Variants in FNDC3B observed in about 807,000 individuals in gnomAD.
FNDC3B encodes fibronectin type III domain containing 3B.
FNDC3B carries 12 observed loss-of-function variants against 151.5 expected under a neutral mutation model. The ratio of observed to expected loss-of-function variants is 0.08; its 90% CI spans 0.05 to 0.13. FNDC3B has a LOEUF of 0.13. Ranked by LOEUF, FNDC3B falls within the 10% of genes least tolerant of loss-of-function variation. The pLI, the probability that FNDC3B is intolerant of heterozygous loss-of-function variation, is 1.00. For synonymous variants in FNDC3B, 528 were observed against 549.0 expected, an observed-to-expected ratio of 0.96 and a Z score of 0.54; for missense variants, 1,214 against 1,505.3, an observed-to-expected ratio of 0.81 and a Z score of 3.20.
chr3:172,094,416 T>A (rs1039341975), intron 1 of FNDC3B, among the ~76,000 whole-genome samples: 4 of 152,234 alleles, frequency 2.6e-5, no homozygotes, highest in African/African-American at 9.6e-5. Context: ...TGTGGCCTTC[T>A]CTAACTGGCC....
intron 2 of FNDC3B, among the ~76,000 whole-genome samples, chr3:172,116,601 T>C (rs1720259920): frequency 6.6e-6 from 1 of 152,210 alleles, no homozygotes; most frequent in African/African-American, 2.4e-5. Flanking sequence ...AGTCTCGCTC[T>C]GTTGCCCAGG....
intron 1 of FNDC3B, among the ~76,000 whole-genome samples, chr3:172,096,359 T>A (rs1048751395): frequency 1.3e-5 from 2 of 152,250 alleles, no homozygotes; most frequent in Non-Finnish European, 2.9e-5. Flanking sequence ...GTCTTCATAA[T>A]GGATTTAAAT....
intron 3 of FNDC3B, among the ~76,000 whole-genome samples, chr3:172,197,955 T>A (rs1724923169): frequency 6.6e-6 from 1 of 152,234 alleles, no homozygotes; most frequent in Admixed American, 6.5e-5. Flanking sequence ...TAGTTCAAAG[T>A]GATATAAATA....
At chr3:172,052,593 G>A (rs998754607) in intron 1 of FNDC3B, among the ~76,000 whole-genome samples, 2 of 152,180 alleles carry the variant, frequency 1.3e-5, no homozygotes, top group African/African-American at 4.8e-5. Context: ...TTTGCAGGGG[G>A]AGTTAAAGAC....
At chr3:172,291,911 C>A (rs1334261383) in intron 7 of FNDC3B, among the ~76,000 whole-genome samples, 2 of 152,116 alleles carry the variant, frequency 1.3e-5, no homozygotes, top group Admixed American at 1.3e-4. Context: ...GCTCTGAAAT[C>A]GGCATGAACC....
chr3:172,045,488 C>T (rs913701665), intron 1 of FNDC3B, among the ~76,000 whole-genome samples: 1 of 152,102 alleles, frequency 6.6e-6, no homozygotes, highest in African/African-American at 2.4e-5. Flanking sequence ...AGGTTTTAGG[C>T]CTTGTATGTT....
intron 4 of FNDC3B, among the ~76,000 whole-genome samples, chr3:172,233,579 T>G (rs1281719942): frequency 6.6e-6 from 1 of 152,222 alleles, no homozygotes; most frequent in Non-Finnish European, 1.5e-5. Flanking sequence ...GTGCAATACT[T>G]TCCCCCCATT....
intron 1 of FNDC3B, among the ~76,000 whole-genome samples, chr3:172,055,650 G>C (rs1317913516): frequency 6.6e-6 from 1 of 152,130 alleles, no homozygotes; most frequent in South Asian, 2.1e-4. Context: ...TGCCATTAAC[G>C]TTCTAGTTGC....
At chr3:172,242,263 G>A (rs1439689830) in intron 4 of FNDC3B, among the ~76,000 whole-genome samples, 1 of 152,224 alleles carries the variant, frequency 6.6e-6, no homozygotes, top group East Asian at 1.9e-4. Context: ...CAAGCTGTTG[G>A]TGGATCTACC....
intron 25 of FNDC3B, among the ~76,000 whole-genome samples, chr3:172,385,623 A>G (rs1394842938): frequency 6.7e-6 from 1 of 148,784 alleles, no homozygotes; most frequent in African/African-American, 2.5e-5. Context: ...CAGTGGCGTG[A>G]TCTCGGCTCA....
intron 6 of FNDC3B, among the ~76,000 whole-genome samples, chr3:172,261,328 T>G (rs1327762644): frequency 6.6e-6 from 1 of 152,258 alleles, no homozygotes; most frequent in Admixed American, 6.5e-5. Context: ...CCTGCTGCTA[T>G]GTCAACATCG....
At chr3:172,141,624 G>T (rs1274842761) in intron 3 of FNDC3B, among the ~76,000 whole-genome samples, 1 of 152,158 alleles carries the variant, frequency 6.6e-6, no homozygotes, top group East Asian at 1.9e-4. Context: ...ATCACCTGAG[G>T]TCAGGAGTTT....
At chr3:172,045,103 T>A (rs1272450020) in intron 1 of FNDC3B, among the ~76,000 whole-genome samples, 2 of 152,218 alleles carry the variant, frequency 1.3e-5, no homozygotes, top group East Asian at 3.8e-4. Flanking sequence ...ACAAACTCCA[T>A]AGTTCATTAT....
intron 21 of FNDC3B, among the ~76,000 whole-genome samples, chr3:172,348,871 G>A (rs1355989990): frequency 2.6e-5 from 4 of 152,182 alleles, no homozygotes; most frequent in African/African-American, 9.7e-5. Flanking sequence ...ACTATTGCCA[G>A]GAAGGGGGTC....
At chr3:172,143,685 C>A (rs1019480617) in intron 3 of FNDC3B, among the ~76,000 whole-genome samples, 1 of 151,746 alleles carries the variant, frequency 6.6e-6, no homozygotes, top group African/African-American at 2.4e-5. Context: ...CCGAGGCGGG[C>A]GGATCATGAG....
intron 23 of FNDC3B, among the ~76,000 whole-genome samples, chr3:172,370,169 T>C (rs1391661705): frequency 6.6e-6 from 1 of 152,166 alleles, no homozygotes; most frequent in Non-Finnish European, 1.5e-5. Context: ...AACAAGGTAG[T>C]AAATATAGAA....
intron 3 of FNDC3B, among the ~76,000 whole-genome samples, chr3:172,196,864 C>T (rs1450905245): frequency 1.3e-5 from 2 of 152,102 alleles, no homozygotes; most frequent in South Asian, 2.1e-4. Flanking sequence ...TATATGCTTT[C>T]GGTTATTACT....
At chr3:172,238,621 T>C (rs1337625306) in intron 4 of FNDC3B, among the ~76,000 whole-genome samples, 2 of 152,218 alleles carry the variant, frequency 1.3e-5, no homozygotes, top group African/African-American at 4.8e-5. Flanking sequence ...ACAAGGGGGA[T>C]TGGCTAGGGT....
chr3:172,054,082 T>C (rs1716800389), intron 1 of FNDC3B, among the ~76,000 whole-genome samples: 1 of 152,190 alleles, frequency 6.6e-6, no homozygotes, highest in African/African-American at 2.4e-5. Flanking sequence ...GTGCCTTTCA[T>C]TTCAGTTAAT....
Sources: allele counts gnomAD v4.1 joint callset (sites outside exome capture counted in the v4.1 genomes callset), GRCh38; gene constraint gnomAD v4.1.1; transcripts MANE v1.5; gene names NCBI Gene and HGNC (gene_info 2026-07-23, HGNC 2026-07-21).